The following TMEM232 variants were observed in gnomAD, a reference collection of about 807,000 sequenced individuals.
The protein encoded by TMEM232 is transmembrane protein 232.
TMEM232 carries 80 observed loss-of-function variants against 78.8 expected under a neutral mutation model. That is an observed-to-expected ratio of 1.01 (90% CI 0.85 to 1.22). The LOEUF is 1.22. Ranked by LOEUF, TMEM232 falls within the 50% of genes most tolerant of loss-of-function variation. TMEM232 has a pLI of 0.00. For missense variants in TMEM232, 881 were observed against 742.2 expected (o/e 1.19, Z -2.17); for synonymous variants, 297 against 254.3 (o/e 1.17, Z -1.60).
chr5:110,598,879 G>A (rs1246068967), intron 10 of TMEM232, among the ~76,000 whole-genome samples: 1 of 108,790 alleles, frequency 9.2e-6, no homozygotes, highest in African/African-American at 3.6e-5. Context: ...GGGGAGGGGG[G>A]AGGGATAGCA....
At chr5:110,476,061 C>G (rs188623487) in intron 12 of TMEM232, among the ~76,000 whole-genome samples, 55 of 151,878 alleles carry the variant, frequency 3.6e-4, no homozygotes, top group Non-Finnish European at 7.4e-4. Context: ...TATTGTTGGG[C>G]AACCCATTTC....
chr5:110,653,921 T>C (rs530033235), intron 2 of TMEM232, among the ~76,000 whole-genome samples: 1 of 152,188 alleles, frequency 6.6e-6, no homozygotes, highest in East Asian at 1.9e-4. Context: ...TCAGTGATGA[T>C]CAAAGCCTTA....
chr5:110,568,688 T>C, intron 10 of TMEM232, 63 bp from the exon 11 acceptor site: 1 of 1,448,120 alleles, frequency 6.9e-7, no homozygotes, highest in East Asian at 2.5e-5. Flanking sequence ...AGTATGATTG[T>C]GTGAAACAGA....
At chr5:110,728,147 A>C (rs1798336404), upstream of TMEM232, among the ~76,000 whole-genome samples, 1 of 152,070 alleles carries the variant, frequency 6.6e-6, no homozygotes, top group Non-Finnish European at 1.5e-5. Flanking sequence ...TGTTTAGAGA[A>C]AAAAAGTCAC....
intron 1 of TMEM232, among the ~76,000 whole-genome samples, chr5:110,669,044 A>C (rs1031993231): frequency 1.2e-3 from 190 of 152,190 alleles, no homozygotes; most frequent in Non-Finnish European, 2.1e-3. Flanking sequence ...CTACAATTGA[A>C]ACCCTAACAT....
At chr5:110,428,551 C>G (rs1051908639) in intron 12 of TMEM232, among the ~76,000 whole-genome samples, 5 of 151,636 alleles carry the variant, frequency 3.3e-5, no homozygotes, top group African/African-American at 1.2e-4. Flanking sequence ...ACAGCAAACA[C>G]ATCAAATTGA....
intron 12 of TMEM232, among the ~76,000 whole-genome samples, chr5:110,442,897 G>T (rs540679207): frequency 1.3e-5 from 2 of 152,250 alleles, no homozygotes; most frequent in Admixed American, 1.3e-4. Flanking sequence ...TTACCAGCCT[G>T]ATTCTTGTCT....
At chr5:110,656,406 AT>A (rs199825652) in intron 2 of TMEM232, among the ~76,000 whole-genome samples, 9 of 151,874 alleles carry the variant, frequency 5.9e-5, no homozygotes, top group Middle Eastern at 3.4e-3. Context: ...CCTTATGTTA[AT>A]TTTTTTTTGT....
chr5:110,586,570 A>T (rs1010971738), intron 10 of TMEM232, among the ~76,000 whole-genome samples: 82 of 82,886 alleles, frequency 9.9e-4, no homozygotes, highest in Admixed American at 8.2e-3. Context: ...ACACCCTTTC[A>T]CACACACACA....
intron 12 of TMEM232, among the ~76,000 whole-genome samples, chr5:110,512,318 G>T (rs1191805759): frequency 1.3e-5 from 2 of 152,108 alleles, no homozygotes; most frequent in South Asian, 2.1e-4. Flanking sequence ...AACTATGTGG[G>T]TGCAAAGTTC....
chr5:110,696,273 C>A (rs1471165537), intron 1 of TMEM232, among the ~76,000 whole-genome samples: 1 of 152,142 alleles, frequency 6.6e-6, no homozygotes, highest in Admixed American at 6.6e-5. Context: ...TAAAAACTAT[C>A]AATAAATTAG....
chr5:110,415,429 C>T (rs7731271), downstream of TMEM232, among the ~76,000 whole-genome samples: 41,048 of 151,274 alleles, frequency 0.27, 9,183 homozygotes, highest in African/African-American at 0.61. Flanking sequence ...ACCCGTGTTC[C>T]ACCCACGTTG....
intron 12 of TMEM232, among the ~76,000 whole-genome samples, chr5:110,521,175 C>A (rs1018536675): frequency 1.3e-5 from 2 of 152,078 alleles, no homozygotes; most frequent in African/African-American, 4.8e-5. Flanking sequence ...GACCTCTCAT[C>A]CCCCAAGACC....
At chr5:110,713,247 G>A (rs901791730) in intron 1 of TMEM232, among the ~76,000 whole-genome samples, 2 of 152,072 alleles carry the variant, frequency 1.3e-5, no homozygotes, top group Non-Finnish European at 2.9e-5. Context: ...GTACAGGCTG[G>A]GAAAGGTGGT....
At chr5:110,688,496 C>A (rs980091991) in intron 1 of TMEM232, among the ~76,000 whole-genome samples, 3 of 152,110 alleles carry the variant, frequency 2.0e-5, no homozygotes, top group African/African-American at 7.2e-5. Flanking sequence ...CAGAAGGTGA[C>A]AGCACCTCAA....
chr5:110,586,098 C>T (rs1778787747), intron 10 of TMEM232, among the ~76,000 whole-genome samples: 1 of 152,082 alleles, frequency 6.6e-6, no homozygotes, highest in East Asian at 1.9e-4. Context: ...AAAATTGGTC[C>T]ATTTATGGCC....
chr5:110,723,200 C>G (rs1326258917), intron 1 of TMEM232, among the ~76,000 whole-genome samples: 1 of 152,048 alleles, frequency 6.6e-6, no homozygotes, highest in Non-Finnish European at 1.5e-5. Flanking sequence ...AGTTATAGGT[C>G]TATTCAGATT....
rs868125880 is a variant in TMEM232 at position 110,579,487 on chromosome 5, T to C, written c.1277-10862A>G. Among the ~76,000 whole-genome samples the C allele has an allele frequency of 4.0e-5, 6 of 151,884 alleles. No homozygotes were observed. The South Asian group carries it at 1.2e-3, about 32-fold the overall frequency. Reference sequence around the variant, plus strand: ...AGTATAACAATGGTAAGTAAATCAATTTAAAAATATGTTAATGTATACATA... The same window carrying C: ...AGTATAACAATGGTAAGTAAATCAACTTAAAAATATGTTAATGTATACATA... On this transcript the variant is annotated intron_variant, in intron 10 of 13. Transcript: ENST00000455884.
rs116892325 is a variant in TMEM232 at position 110,601,385 on chromosome 5, T to C, written c.1276+3724A>G. Among the ~76,000 whole-genome samples, 144 of 152,282 alleles carry C rather than the reference T, an allele frequency of 9.5e-4. 3 individuals carry two copies. In the East Asian group the frequency reaches 0.02, roughly 21 times the overall value. Reference sequence around the variant, plus strand: ...TTCTCTCTGTTTGCAGATGACATGATTGCATATTTAGAAAACCCCACTGGC... The same window carrying C: ...TTCTCTCTGTTTGCAGATGACATGACTGCATATTTAGAAAACCCCACTGGC... On this transcript the variant is annotated intron_variant, in intron 10 of 13. Coordinates refer to ENST00000455884, the MANE Select transcript of TMEM232 (RefSeq NM_001039763.4).
Sources: allele counts gnomAD v4.1 joint callset (sites outside exome capture counted in the v4.1 genomes callset), GRCh38; gene constraint gnomAD v4.1.1; transcripts MANE v1.5; gene names NCBI Gene and HGNC (gene_info 2026-07-23, HGNC 2026-07-21).